The following IGSF21 variants were observed in gnomAD, a reference collection of about 807,000 sequenced individuals.
IGSF21 encodes the protein immunoglobin superfamily member 21, also known as immunoglobulin superfamily member 21.
Under a neutral mutation model 46.8 loss-of-function variants are expected in IGSF21, and 28 were observed. The ratio of observed to expected loss-of-function variants is 0.60; its 90% CI spans 0.44 to 0.82. IGSF21 has a LOEUF of 0.82. Ranked by LOEUF, IGSF21 falls within the 40% of genes least tolerant of loss-of-function variation. The pLI, the probability that IGSF21 is intolerant of heterozygous loss-of-function variation, is 0.00. For missense variants in IGSF21, 624 were observed against 665.5 expected, an observed-to-expected ratio of 0.94 and a Z score of 0.69; for synonymous variants, 284 against 273.6, an observed-to-expected ratio of 1.04 and a Z score of -0.38.
chr1:18,150,140 C>G (rs981093726), intron 1 of IGSF21, among the ~76,000 whole-genome samples: 2 of 152,132 alleles, frequency 1.3e-5, no homozygotes, highest in African/African-American at 4.8e-5. Flanking sequence ...GTAATCCCAG[C>G]TACTCAGAAG....
intron 2 of IGSF21, 88 bp downstream of exon 2, chr1:18,228,098 C>T: frequency 9.8e-7 from 1 of 1,019,456 alleles, no homozygotes; most frequent in South Asian, 1.3e-5. Flanking sequence ...ACTGGTGTGG[C>T]TATGACCTCA....
chr1:18,360,969 G>C (rs2086093986), intron 4 of IGSF21, among the ~76,000 whole-genome samples: 3 of 151,948 alleles, frequency 2.0e-5, no homozygotes, highest in Admixed American at 2.0e-4. Context: ...CCCTTGCGAT[G>C]CCCCACGGTG....
At chr1:18,299,518 C>G (rs2085341533) in intron 3 of IGSF21, among the ~76,000 whole-genome samples, 1 of 152,218 alleles carries the variant, frequency 6.6e-6, no homozygotes, top group South Asian at 2.1e-4. Flanking sequence ...TCTTCTTTCT[C>G]TAAAATATAC....
At chr1:18,353,453 C>T (rs1454584451) in intron 4 of IGSF21, among the ~76,000 whole-genome samples, 1 of 152,014 alleles carries the variant, frequency 6.6e-6, no homozygotes, top group African/African-American at 2.4e-5. Context: ...TGGGTGCGGC[C>T]GCAGGTAAGA....
chr1:18,128,388 A>G (rs1187175753), intron 1 of IGSF21, among the ~76,000 whole-genome samples: 2 of 152,224 alleles, frequency 1.3e-5, no homozygotes, highest in East Asian at 3.9e-4. Context: ...AATAGCAGGA[A>G]AAGTCTGGCT....
At chr1:18,279,767 G>A (rs575996979) in intron 2 of IGSF21, among the ~76,000 whole-genome samples, 1 of 152,374 alleles carries the variant, frequency 6.6e-6, no homozygotes, top group South Asian at 2.1e-4. Flanking sequence ...CTGATGCCAT[G>A]TGTTAATTAC....
chr1:18,156,192 C>T (rs538847740), intron 1 of IGSF21, among the ~76,000 whole-genome samples: 9 of 152,202 alleles, frequency 5.9e-5, no homozygotes, highest in Admixed American at 3.3e-4. Context: ...CTGGGGCTGG[C>T]ACTTCCAGGG....
chr1:18,229,259 G>A (rs1187289053), intron 2 of IGSF21, among the ~76,000 whole-genome samples: 1 of 152,190 alleles, frequency 6.6e-6, no homozygotes, highest in African/African-American at 2.4e-5. Context: ...ACCAAACTGT[G>A]ATTCAAGATC....
At chr1:18,191,271 C>T (rs1200597743) in intron 1 of IGSF21, among the ~76,000 whole-genome samples, 2 of 152,112 alleles carry the variant, frequency 1.3e-5, no homozygotes, top group African/African-American at 4.8e-5. Context: ...AATAATAGTG[C>T]CCGTCTCACC....
Position 18,337,206 on chromosome 1 carries a change from C to T in IGSF21, c.424+2196C>T, listed in dbSNP as rs1324710274. On this transcript the variant is annotated intron_variant, in intron 4 of 9. Transcript: ENST00000251296. The surrounding 1 kb of genome is among the most constrained non-coding windows in gnomAD (Gnocchi z 5.7). Reference sequence around the variant, plus strand: ...AGGAAACTGAGGCACAGAGTGATCTCGTGGGACTCACTCAGGTTGCACAAC... The same window carrying T: ...AGGAAACTGAGGCACAGAGTGATCTTGTGGGACTCACTCAGGTTGCACAAC... 1.3e-5 allele frequency among the ~76,000 whole-genome samples: 2 copies of T among 152,112 alleles called. No homozygotes were observed. The highest frequency in any genetic ancestry group is 1.9e-4 in the East Asian group (1 of 5,166).
chr1:18,264,295 C>A (rs2084971732), intron 2 of IGSF21, among the ~76,000 whole-genome samples: 1 of 152,184 alleles, frequency 6.6e-6, no homozygotes, highest in African/African-American at 2.4e-5. Flanking sequence ...AGCATGCTTG[C>A]TTTCTGCCCG....
At chr1:18,377,989 A>G (rs1456857461) in intron 9 of IGSF21, among the ~76,000 whole-genome samples, 1 of 152,040 alleles carries the variant, frequency 6.6e-6, no homozygotes, top group Non-Finnish European at 1.5e-5. Context: ...CATGGAGCCA[A>G]TCTCACAGTT....
chr1:18,313,175 G>A (rs1464098149), intron 3 of IGSF21, among the ~76,000 whole-genome samples: 3 of 152,204 alleles, frequency 2.0e-5, no homozygotes, highest in Non-Finnish European at 2.9e-5. Flanking sequence ...ACCGCCGGGA[G>A]GAAGGTGAGG....
At chr1:18,283,320 A>C (rs2085180772) in intron 2 of IGSF21, among the ~76,000 whole-genome samples, 1 of 152,226 alleles carries the variant, frequency 6.6e-6, no homozygotes, top group South Asian at 2.1e-4. Context: ...AAGGGAGAGC[A>C]GGGACTGCCC....
chr1:18,306,951 T>C (rs754259564), intron 3 of IGSF21, among the ~76,000 whole-genome samples: 1 of 152,220 alleles, frequency 6.6e-6, no homozygotes, highest in Non-Finnish European at 1.5e-5. Context: ...ACCTGCCACC[T>C]TCCAGGAACC....
chr1:18,231,960 T>TGTGTGTGTGTGTGG (rs762060507), intron 2 of IGSF21, among the ~76,000 whole-genome samples: 8 of 149,236 alleles, frequency 5.4e-5, no homozygotes, highest in Non-Finnish European at 1.0e-4. Flanking sequence ...TGTGTGTGTG[T>TGTGTGTGTGTGTGG]GGTGAGGGAG....
intron 2 of IGSF21, among the ~76,000 whole-genome samples, chr1:18,251,072 A>G (rs547485887): frequency 1.2e-3 from 190 of 152,224 alleles, no homozygotes; most frequent in African/African-American, 4.4e-3. Context: ...GAGGGTATCT[A>G]TGGATGGGAT....
At chr1:18,268,232 G>C (rs2085008547) in intron 2 of IGSF21, among the ~76,000 whole-genome samples, 1 of 152,162 alleles carries the variant, frequency 6.6e-6, no homozygotes, top group Non-Finnish European at 1.5e-5. Context: ...CAGAACTTTG[G>C]GAAGTCCAAG....
chr1:18,215,886 G>A (rs551113038), intron 1 of IGSF21, among the ~76,000 whole-genome samples: 17 of 152,264 alleles, frequency 1.1e-4, no homozygotes, highest in South Asian at 6.2e-4. Flanking sequence ...ACAAATCCCC[G>A]TAAGGTACAG....
Sources: allele counts gnomAD v4.1 joint callset (sites outside exome capture counted in the v4.1 genomes callset), GRCh38; gene constraint gnomAD v4.1.1; non-coding constraint Gnocchi (gnomAD v3.1); transcripts MANE v1.5; gene names NCBI Gene and HGNC (gene_info 2026-07-23, HGNC 2026-07-21).